NEK10: variants seen among roughly 807,000 people sequenced by gnomAD.
NEK10 encodes serine/threonine-protein kinase Nek10.
Under a neutral mutation model 159.8 loss-of-function variants are expected in NEK10, and 122 were observed. The ratio of observed to expected loss-of-function variants is 0.76; its 90% CI spans 0.66 to 0.89. The LOEUF (loss-of-function observed/expected upper bound fraction) is 0.89, where lower values mean the gene tolerates loss of function less well. Among genes scored for constraint, NEK10 ranks in the 40% least tolerant of loss-of-function variants. The pLI is 0.00. For synonymous variants in NEK10, 466 were observed against 457.1 expected, an observed-to-expected ratio of 1.02 and a Z score of -0.25; for missense variants, 1,342 against 1,323.1, an observed-to-expected ratio of 1.01 and a Z score of -0.22.
chr3:27,331,262 A>AACACAC (rs1553639047), intron 5 of NEK10, among the ~76,000 whole-genome samples: 1 of 110,082 alleles, frequency 9.1e-6, no homozygotes, highest in African/African-American at 2.9e-5. Flanking sequence ...AAAAAAAAAA[A>AACACAC]ACACACAAAC....
At chr3:27,272,169 A>T (rs2041415540) in intron 22 of NEK10, among the ~76,000 whole-genome samples, 1 of 152,186 alleles carries the variant, frequency 6.6e-6, no homozygotes, top group African/African-American at 2.4e-5. Context: ...ACAACCTTTC[A>T]CCCATCACAT....
chr3:27,215,537 T>G, intron 23 of NEK10: 1 of 456,350 alleles, frequency 2.2e-6, no homozygotes. Context: ...TTTACTCAGA[T>G]GAGTTTTGAC....
At chr3:27,160,868 T>C (rs1395987634) in intron 30 of NEK10, among the ~76,000 whole-genome samples, 2 of 152,174 alleles carry the variant, frequency 1.3e-5, no homozygotes, top group African/African-American at 4.8e-5. Context: ...ATCATACCAC[T>C]GCACTCAAGC....
intron 26 of NEK10, among the ~76,000 whole-genome samples, chr3:27,178,175 T>C (rs1346362474): frequency 1.3e-5 from 2 of 152,210 alleles, no homozygotes; most frequent in Non-Finnish European, 2.9e-5. Flanking sequence ...GTTTTGCGCA[T>C]TATAATGTAA....
intron 22 of NEK10, among the ~76,000 whole-genome samples, chr3:27,262,449 C>T (rs544878984): frequency 2.0e-4 from 30 of 152,296 alleles, no homozygotes; most frequent in African/African-American, 7.0e-4. Flanking sequence ...TTCCATTCTC[C>T]CCGTCACTTT....
chr3:27,325,068 T>C (rs1439851072), intron 5 of NEK10, among the ~76,000 whole-genome samples: 3 of 152,210 alleles, frequency 2.0e-5, no homozygotes. Flanking sequence ...GTGTATGTTG[T>C]GCAGAAGTGG....
In NEK10 at chr3:27,284,675, C is replaced by T. The variant is rs553196628; in HGVS notation, c.1941G>A (p.Lys647=). 13 of 1,610,298 alleles carry T rather than the reference C, an allele frequency of 8.1e-6. No individual in the cohort carries two copies. In the Admixed American group the frequency reaches 2.0e-4, roughly 25 times the overall value. Residue 647 remains lysine (K), a synonymous_variant, in exon 22 of 36, where the codon AAG becomes AAA. Coordinates refer to ENST00000691995, the MANE Select transcript of NEK10 (RefSeq NM_001394966.1). The part of the protein sequence containing the change: ...QLCLALRYLH[K]EKRIVHRDLT... ...GATCTCTATGGACAATCCTCTTCTC[C>T]TTGTGTAAGTATCGAAGAGCTAAGC...
rs75689470 is a variant in NEK10 at position 27,119,952 on chromosome 3, C to A, written c.3082-84G>T. 1,242 of 948,490 alleles carry A rather than the reference C, an allele frequency of 1.3e-3. 8 individuals are homozygous for A. The African/African-American group carries it at 0.018, about 14-fold the overall frequency. The allele number at this position is 948,490 out of a possible 1,614,324, so 58.8% of individuals were successfully genotyped here. ...ACCTCTGTGTGGGGTTTTTCATTTC[C>A]CTATGTCTCTGCACAGAAAATTTAG... On this transcript the variant is annotated intron_variant, in intron 32 of 35. Transcript: ENST00000691995.
chr3:27,134,055 T>A (rs1915912), intron 31 of NEK10, among the ~76,000 whole-genome samples: 2 of 151,176 alleles, frequency 1.3e-5, no homozygotes, highest in African/African-American at 4.9e-5. Context: ...AAATGTGGAA[T>A]AGAGAAAGAA....
intron 30 of NEK10, among the ~76,000 whole-genome samples, chr3:27,146,600 G>A (rs950580850): frequency 3.3e-5 from 5 of 152,156 alleles, no homozygotes; most frequent in African/African-American, 7.2e-5. Flanking sequence ...ATAAAGTAAC[G>A]TAATTGTAGT....
intron 22 of NEK10, among the ~76,000 whole-genome samples, chr3:27,258,364 T>G (rs1575480139): frequency 9.0e-6 from 1 of 111,484 alleles, no homozygotes; most frequent in African/African-American, 3.3e-5. Context: ...ATGCTATCCC[T>G]CCCCCCTCCC....
intron 3 of NEK10, among the ~76,000 whole-genome samples, chr3:27,349,534 G>A (rs1033403198): frequency 2.0e-5 from 3 of 152,214 alleles, no homozygotes; most frequent in Admixed American, 6.5e-5. Context: ...TGCCTTATAC[G>A]TGTTCTTTCT....
At chr3:27,300,294 G>T (rs947786061) in intron 13 of NEK10, among the ~76,000 whole-genome samples, 1 of 152,076 alleles carries the variant, frequency 6.6e-6, no homozygotes, top group African/African-American at 2.4e-5. Context: ...ACCATTGAAA[G>T]TGCATGGAGT....
chr3:27,106,980 G>A lies in NEK10; in HGVS notation c.*4292C>T, dbSNP rs376500883. On this transcript the variant is annotated 3_prime_UTR_variant, in exon 36 of 36. Coordinates refer to ENST00000691995, the MANE Select transcript of NEK10 (RefSeq NM_001394966.1). ...ACATCTTCACAGTACAAAAGGAAAG[G>A]AGAGAAAAAGGCAGTTTCTCATGTT... Among the ~76,000 whole-genome samples, 20 of 152,216 alleles carry A rather than the reference G, an allele frequency of 1.3e-4. No homozygotes were observed. The highest frequency in any genetic ancestry group is 4.8e-4 in the African/African-American group (20 of 41,532).
In NEK10 at chr3:27,290,610, C is replaced by A; in HGVS notation, c.1743+7G>T. The stretch of plus-strand genomic sequence containing the variant: ...AAAACATCTTCAGAAACAAGGAAAA[C>A]ATTTACCTGCTCTTTAATTATTGTT... On this transcript the variant is annotated splice_region_variant and intron_variant, in intron 19 of 35. Transcript: ENST00000691995. 2 of 1,576,944 alleles carry A rather than the reference C, an allele frequency of 1.3e-6. No homozygotes were observed. The highest frequency in any genetic ancestry group is 1.7e-6 in the Non-Finnish European group (2 of 1,163,164).
intron 2 of NEK10, 67 bp from the exon 3 acceptor site, chr3:27,352,592 C>T (rs775940432): frequency 1.7e-6 from 2 of 1,177,090 alleles, no homozygotes; most frequent in Admixed American, 3.5e-5. Context: ...GTGTTACCCA[C>T]TGATGGCATT....
intron 20 of NEK10, among the ~76,000 whole-genome samples, chr3:27,286,895 G>GTT: frequency 6.6e-6 from 1 of 152,074 alleles, no homozygotes; most frequent in African/African-American, 2.4e-5. Flanking sequence ...TTAGCACTGA[G>GTT]TTTTTCTGAG....
chr3:27,175,860 A>T (rs540886844), intron 26 of NEK10, among the ~76,000 whole-genome samples: 1 of 152,346 alleles, frequency 6.6e-6, no homozygotes, highest in Admixed American at 6.5e-5. Flanking sequence ...CCCTCTATGA[A>T]TTGTGTCCAA....
At position 27,331,262 on chromosome 3, in the gene NEK10, A is replaced by AAAAAAAAAAAAAAAAAAAAAAAAC; in HGVS notation, c.363-9002_363-9001insGTTTTTTTTTTTTTTTTTTTTTTT. On this transcript the variant is annotated intron_variant, in intron 5 of 35. Coordinates refer to ENST00000691995, the MANE Select transcript of NEK10 (RefSeq NM_001394966.1). The stretch of plus-strand genomic sequence containing the variant: ...CAAAAAAAAAAAAACAAAAAAAAAA[A>AAAAAAAAAAAAAAAAAAAAAAAAC]ACACACAAACCTAAGACTTTTGAGG... Among the ~76,000 whole-genome samples, 207 of 110,028 alleles carry AAAAAAAAAAAAAAAAAAAAAAAAC rather than the reference A, an allele frequency of 1.9e-3. 51 individuals carry two copies. The highest frequency in any genetic ancestry group is 2.7e-3 in the Non-Finnish European group (137 of 50,980). The allele number at this position is 110,028 out of a possible 152,430, so 72.2% of individuals were successfully genotyped here. A position where few individuals can be genotyped will look rare whatever the true frequency, so the allele number is the denominator to read the frequency against.
Sources: gnomAD v4.1 joint callset for allele counts (sites outside exome capture counted in the v4.1 genomes callset) on GRCh38, gnomAD v4.1.1 for gene constraint, MANE v1.5 for transcripts, NCBI Gene and HGNC (gene_info 2026-07-23, HGNC 2026-07-21) for gene names.